Variants in TJP1 observed in about 807,000 individuals in gnomAD.
TJP1 encodes the protein tight junction protein ZO-1.
Under a neutral mutation model 194.2 loss-of-function variants are expected in TJP1, and 43 were observed. That is an observed-to-expected ratio of 0.22 (90% CI 0.17 to 0.29). The LOEUF (loss-of-function observed/expected upper bound fraction) is 0.29. Among genes scored for constraint, TJP1 ranks in the 10% least tolerant of loss-of-function variants. TJP1 has a pLI of 1.00. For synonymous variants in TJP1, 801 were observed against 779.0 expected (o/e 1.03, Z -0.47); for missense variants, 1,971 against 2,185.7 (o/e 0.90, Z 1.96).
chr15:29,897,842 A>G (rs785431), intron 2 of TJP1, among the ~76,000 whole-genome samples: 12,303 of 152,236 alleles, frequency 0.081, 586 homozygotes, highest in South Asian at 0.12. Flanking sequence ...TACCATTTGT[A>G]ACAGCTGTAT....
chr15:29,716,352 G>A (rs1273080222), intron 23 of TJP1, among the ~76,000 whole-genome samples: 5 of 152,192 alleles, frequency 3.3e-5, no homozygotes. Flanking sequence ...CTATCGATGA[G>A]GGTCCTTGTG....
chr15:29,940,411 T>C (rs553337438), intron 2 of TJP1, among the ~76,000 whole-genome samples: 5 of 152,310 alleles, frequency 3.3e-5, no homozygotes, highest in South Asian at 2.1e-4. Context: ...TGTGTAGAGA[T>C]AGAAAACAAC....
chr15:29,700,140 C>A, downstream of TJP1: 1 of 397,544 alleles, frequency 2.5e-6, no homozygotes, highest in Non-Finnish European at 4.4e-6. Flanking sequence ...GGCAAACAGA[C>A]CAAGCCAGCA....
At chr15:29,907,205 C>T (rs897711049) in intron 2 of TJP1, among the ~76,000 whole-genome samples, 2 of 151,932 alleles carry the variant, frequency 1.3e-5, no homozygotes, top group Non-Finnish European at 1.5e-5. Context: ...GTCAGGAGAT[C>T]GAGACCATCC....
intron 2 of TJP1, among the ~76,000 whole-genome samples, chr15:29,791,622 T>A (rs1317268486): frequency 1.3e-5 from 2 of 148,560 alleles, no homozygotes; most frequent in African/African-American, 5.0e-5. Flanking sequence ...CTCGATGTCC[T>A]GACTTCATGA....
chr15:29,765,005 C>T (rs1315805946), intron 5 of TJP1, among the ~76,000 whole-genome samples: 2 of 151,806 alleles, frequency 1.3e-5, no homozygotes, highest in Non-Finnish European at 2.9e-5. Context: ...ACTGACAGAA[C>T]GTTATAAAGG....
At chr15:29,937,315 G>C (rs1314424604) in intron 2 of TJP1, among the ~76,000 whole-genome samples, 1 of 152,114 alleles carries the variant, frequency 6.6e-6, no homozygotes, top group Non-Finnish European at 1.5e-5. Context: ...GCTTACAAAT[G>C]TATTGGTTTC....
Position 29,766,503 on chromosome 15 carries a change from G to A in TJP1, c.352C>T (p.Arg118Cys), listed in dbSNP as rs1425796667. 7 of 1,589,258 alleles carry A rather than the reference G, an allele frequency of 4.4e-6. No homozygotes were observed. Among genetic ancestry groups the A allele is most frequent in the South Asian group, 3.5e-5 (3 of 86,864 alleles). ...TCAGATACTGGTTCAGGATCAGGACGACTTACTGGTATTTGAACTTTCTTC... is the reference window on the plus strand; with the variant it reads ...TCAGATACTGGTTCAGGATCAGGACAACTTACTGGTATTTGAACTTTCTTC... Reference protein sequence around the residue: ...RKKKVQIPVSRPDPEPVSDNE... With the variant: ...RKKKVQIPVSCPDPEPVSDNE... Residue 118 changes from arginine (R) to cysteine (C), a missense_variant, in exon 5 of 28, where the codon CGT becomes TGT. Physicochemically the swap from Arg to Cys is radical, Grantham distance 180. Coordinates refer to ENST00000614355, the MANE Select transcript of TJP1 (RefSeq NM_001330239.4).
chr15:29,923,279 A>C (rs1397650878), intron 2 of TJP1, among the ~76,000 whole-genome samples: 1 of 152,242 alleles, frequency 6.6e-6, no homozygotes, highest in Non-Finnish European at 1.5e-5. Flanking sequence ...GATAGGGTAA[A>C]TAAACAGGTA....
chr15:29,964,751 A>G (rs1041280594), intron 1 of TJP1, among the ~76,000 whole-genome samples: 1 of 152,216 alleles, frequency 6.6e-6, no homozygotes, highest in Non-Finnish European at 1.5e-5. Flanking sequence ...CTGCAAACTT[A>G]TACCTACCTC....
intron 1 of TJP1, among the ~76,000 whole-genome samples, chr15:29,966,043 T>C (rs2056320807): frequency 6.6e-6 from 1 of 152,204 alleles, no homozygotes; most frequent in Admixed American, 6.5e-5. Context: ...GTTACCTGGA[T>C]TTTATTTCCT....
At chr15:29,927,207 C>G (rs2054553583) in intron 2 of TJP1, among the ~76,000 whole-genome samples, 1 of 152,174 alleles carries the variant, frequency 6.6e-6, no homozygotes, top group Non-Finnish European at 1.5e-5. Flanking sequence ...GTAATCCCAG[C>G]TATTCAGGAG....
chr15:29,933,484 C>A (rs1027972369), intron 2 of TJP1, among the ~76,000 whole-genome samples: 2 of 152,140 alleles, frequency 1.3e-5, no homozygotes, highest in Non-Finnish European at 1.5e-5. Context: ...TAACATTCAA[C>A]TGCCAATCCT....
intron 8 of TJP1, among the ~76,000 whole-genome samples, chr15:29,746,417 G>T (rs2044786362): frequency 6.6e-6 from 1 of 151,484 alleles, no homozygotes; most frequent in Non-Finnish European, 1.5e-5. Flanking sequence ...AAAACAAAAT[G>T]CCAAATAAGA....
At chr15:29,735,968 T>C (rs766464292) in intron 11 of TJP1, among the ~76,000 whole-genome samples, 1 of 152,212 alleles carries the variant, frequency 6.6e-6, no homozygotes, top group Admixed American at 6.5e-5. Context: ...AAAGAGGCAG[T>C]GTAGCAAGAG....
At chr15:29,909,156 C>CAAAA (rs1228556468) in intron 2 of TJP1, among the ~76,000 whole-genome samples, 18 of 84,030 alleles carry the variant, frequency 2.1e-4, no homozygotes, top group South Asian at 8.0e-4. Flanking sequence ...GACTCCATCT[C>CAAAA]AAAAAAAAAA....
At position 29,728,108 on chromosome 15, in the gene TJP1, G is replaced by A. The variant is rs901621905; in HGVS notation, c.2018-89C>T. On this transcript the variant is annotated intron_variant, in intron 15 of 27. Transcript: ENST00000614355. ...AACTACTGGCCACAACTGATATGCCGGACTGGATAGTACTTTGTTTGTGGA... is the reference window on the plus strand; with the variant it reads ...AACTACTGGCCACAACTGATATGCCAGACTGGATAGTACTTTGTTTGTGGA... The A allele has an allele frequency of 2.1e-4, 215 of 1,032,202 alleles. 1 individual carries two copies. Among genetic ancestry groups the A allele is most frequent in the South Asian group, 9.4e-4 (72 of 76,676 alleles). 63.9% of individuals were successfully genotyped at this position (1,032,202 alleles called of 1,614,324 possible).
intron 2 of TJP1, among the ~76,000 whole-genome samples, chr15:29,952,340 TC>T (rs1455070227): frequency 1.3e-5 from 2 of 152,166 alleles, no homozygotes; most frequent in African/African-American, 4.8e-5. Context: ...TGGATTCCAA[TC>T]CCTGTCAGTA....
intron 25 of TJP1, among the ~76,000 whole-genome samples, chr15:29,706,080 C>T (rs534351745): frequency 1.2e-4 from 18 of 152,184 alleles, no homozygotes; most frequent in South Asian, 6.2e-4. Flanking sequence ...TACAGGCGCA[C>T]GCCACCAAGC....
Sources: gnomAD v4.1 joint callset for allele counts (sites outside exome capture counted in the v4.1 genomes callset) on GRCh38, gnomAD v4.1.1 for gene constraint, MANE v1.5 for transcripts, NCBI Gene and HGNC (gene_info 2026-07-23, HGNC 2026-07-21) for gene names.